Variants in CEMIP observed in about 807,000 individuals in gnomAD.
CEMIP encodes the protein cell migration inducing hyaluronidase 1.
In CEMIP, 105 loss-of-function variants were observed where a neutral mutation model predicts 156.9. That is an observed-to-expected ratio of 0.67 (90% CI 0.57 to 0.79). The LOEUF (loss-of-function observed/expected upper bound fraction) is 0.79, where lower values mean the gene tolerates loss of function less well. CEMIP is among the 30% of genes least tolerant of loss of function. CEMIP has a pLI of 0.00. For synonymous variants in CEMIP, 676 were observed against 668.4 expected (o/e 1.01, Z -0.17); for missense variants, 1,457 against 1,769.4 (o/e 0.82, Z 3.17).
chr15:80,926,765 TTA>T (rs1491146409), intron 19 of CEMIP, among the ~76,000 whole-genome samples: 1 of 114,728 alleles, frequency 8.7e-6, no homozygotes, highest in Non-Finnish European at 1.7e-5. Flanking sequence ...AAATTTTTTT[TTA>T]AAAAAGTCAA....
rs781261849 is a variant in CEMIP, at chr15:80,924,641, C to T, written c.2223C>T (p.Asn741=). ...SNYRAGMIID[N]GVKTTEASAK... is the part of the protein sequence containing the mutation. The stretch of plus-strand genomic sequence containing the variant: ...TGCAGGCTGGCATGATCATAGACAA[C>T]GGAGTCAAAACCACCGAGGCCTCTG... Residue 741 remains asparagine, a synonymous_variant, in exon 18 of 30, where the codon AAC becomes AAT. Transcript: ENST00000394685. The T allele has an allele frequency of 1.5e-5, 25 of 1,613,972 alleles. No homozygotes were observed. Among genetic ancestry groups the T allele is most frequent in the African/African-American group, 4.0e-5 (3 of 74,908 alleles).
intron 3 of CEMIP, among the ~76,000 whole-genome samples, chr15:80,877,124 A>G (rs1898502877): frequency 6.6e-6 from 1 of 152,168 alleles, no homozygotes; most frequent in African/African-American, 2.4e-5. Context: ...TGAGAACACT[A>G]TGGAGAAAAC....
At chr15:80,835,018 G>A (rs1897239820) in intron 1 of CEMIP, among the ~76,000 whole-genome samples, 1 of 151,942 alleles carries the variant, frequency 6.6e-6, no homozygotes. Flanking sequence ...TTCAAAATAG[G>A]GATTGTTTGC....
At position 80,815,292 on chromosome 15, in the gene CEMIP, C is replaced by A. The variant is rs1372512612; in HGVS notation, c.-176+35678C>A. On this transcript the variant is annotated intron_variant, in intron 1 of 29. Coordinates refer to ENST00000394685, the MANE Select transcript of CEMIP (RefSeq NM_001293298.2). ...AATGGGTATCCTGTGGCCTGCCTGG[C>A]CCAATTCCCAGTGCTGTGGTGAAGA... Among the ~76,000 whole-genome samples, 4 of 152,378 alleles carry A rather than the reference C, an allele frequency of 2.6e-5. No individual in the cohort carries two copies. In the Middle Eastern group the frequency reaches 0.01, roughly 389 times the overall value.
chr15:80,880,779 G>A, intron 5 of CEMIP, 121 bp from the exon 6 acceptor site: 2 of 815,486 alleles, frequency 2.5e-6, no homozygotes, highest in South Asian at 2.7e-5. Flanking sequence ...AGTGTGACTG[G>A]CTCTATGGTG....
chr15:80,899,225 A>AAAAAAG (rs1555433922), intron 12 of CEMIP, among the ~76,000 whole-genome samples: 186 of 126,786 alleles, frequency 1.5e-3, no homozygotes, highest in African/African-American at 4.7e-3. Context: ...AAAAAAAAAA[A>AAAAAAG]AAAGAAAGAA....
chr15:80,843,570 A>G (rs1286625384), intron 1 of CEMIP, among the ~76,000 whole-genome samples: 1 of 152,214 alleles, frequency 6.6e-6, no homozygotes, highest in Admixed American at 6.5e-5. Flanking sequence ...ACATCAGTCT[A>G]TATCCCCATG....
chr15:80,899,223 A>AG (rs1899360885), intron 12 of CEMIP, among the ~76,000 whole-genome samples: 16 of 108,458 alleles, frequency 1.5e-4, no homozygotes, highest in Admixed American at 4.5e-4. Context: ...AAAAAAAAAA[A>AG]AAAAAGAAAG....
At chr15:80,882,748 G>GCACA (rs1222853395) in intron 6 of CEMIP, among the ~76,000 whole-genome samples, 1 of 132,094 alleles carries the variant, frequency 7.6e-6, no homozygotes, top group African/African-American at 2.7e-5. Flanking sequence ...ATAAGCGCAT[G>GCACA]CACACACATA....
At chr15:80,853,930 G>T (rs1287005371) in intron 1 of CEMIP, among the ~76,000 whole-genome samples, 1 of 152,262 alleles carries the variant, frequency 6.6e-6, no homozygotes, top group Non-Finnish European at 1.5e-5. Context: ...GCAAGTCATG[G>T]TCTTGATGGT....
chr15:80,877,569 C>T (rs2141820118), intron 3 of CEMIP, among the ~76,000 whole-genome samples: 1 of 152,314 alleles, frequency 6.6e-6, no homozygotes, highest in East Asian at 1.9e-4. Flanking sequence ...TTGTTTTGTC[C>T]ATTGTCTCTT....
At chr15:80,851,068 T>C (rs777188368) in intron 1 of CEMIP, among the ~76,000 whole-genome samples, 7 of 152,210 alleles carry the variant, frequency 4.6e-5, no homozygotes, top group Non-Finnish European at 8.8e-5. Flanking sequence ...TTGGTCTGGC[T>C]TGAGTCAGGC....
chr15:80,880,802 G>T (rs1933888252), intron 5 of CEMIP, 98 bp from the exon 6 acceptor site: 4 of 939,832 alleles, frequency 4.3e-6, no homozygotes, highest in Admixed American at 1.7e-5. Context: ...CGTGGTGGGG[G>T]GTCAGGGAGC....
At position 80,942,961 on chromosome 15, in the gene CEMIP, A is replaced by G. The variant is rs936502248; in HGVS notation, c.3716A>G (p.Tyr1239Cys). 26 of 1,614,188 alleles carry G rather than the reference A, an allele frequency of 1.6e-5. No homozygotes were observed. The highest frequency in any genetic ancestry group is 2.1e-5 in the Non-Finnish European group (25 of 1,180,034). Residue 1239 changes from tyrosine to cysteine, a missense_variant, in exon 28 of 30, where the codon TAC (tyrosine) becomes TGC (cysteine). Transcript: ENST00000394685. Reference sequence around the variant, plus strand: ...GCTCTGTAGGTGGATGGGAAGAAGTACCCCAGTTCGGAGGATGGCATCCAG... The same window carrying G: ...GCTCTGTAGGTGGATGGGAAGAAGTGCCCCAGTTCGGAGGATGGCATCCAG... Reference protein sequence around the residue: ...FAYIEVDGKKYPSSEDGIQVV... With the variant: ...FAYIEVDGKKCPSSEDGIQVV...
chr15:80,820,160 T>G (rs1045722035), intron 1 of CEMIP, among the ~76,000 whole-genome samples: 1 of 152,322 alleles, frequency 6.6e-6, no homozygotes, highest in Non-Finnish European at 1.5e-5. Flanking sequence ...CTCTCTGAGT[T>G]GGATGTTTCT....
At chr15:80,946,827 G>T in intron 28 of CEMIP, 138 bp from the exon 29 acceptor site, 1 of 704,194 alleles carries the variant, frequency 1.4e-6, no homozygotes, top group South Asian at 1.5e-5. Context: ...AGGAGAGGCT[G>T]CCCTTTCCCG....
rs1900491502 is a variant in CEMIP, at chr15:80,922,010, A to G, written c.2075A>G (p.Glu692Gly). The G allele has an allele frequency of 6.2e-7, 1 of 1,614,044 alleles. No homozygotes were observed. The change falls in exon 17 of 30, where the codon GAA (glutamate) becomes GGA (glycine). Residue 692 changes from glutamate to glycine, a missense_variant and splice_region_variant. This residue lies in a region of CEMIP where 798 missense variants were observed against 980.1 expected (regional missense o/e 0.81). Transcript: ENST00000394685. Reference protein sequence around the residue: ...LINCAAAGSEETGFWFIFHHV... With the variant: ...LINCAAAGSEGTGFWFIFHHV... ...TTCCCTTGTGTCCTTCCCCAACAGG[A>G]AACTGGATTTTGGTTTATTTTTCAC...
intron 28 of CEMIP, among the ~76,000 whole-genome samples, chr15:80,945,365 A>G (rs551462983): frequency 6.6e-6 from 1 of 152,352 alleles, no homozygotes; most frequent in South Asian, 2.1e-4. Context: ...GGAGGGCAAG[A>G]CCTACATTTG....
chr15:80,926,824 G>GT (rs1900694616), intron 19 of CEMIP, among the ~76,000 whole-genome samples: 1 of 128,034 alleles, frequency 7.8e-6, no homozygotes, highest in African/African-American at 3.3e-5. Context: ...GCGGGTGGGG[G>GT]GGGGGGGTCT....
Sources: allele counts gnomAD v4.1 joint callset (sites outside exome capture counted in the v4.1 genomes callset), GRCh38; gene constraint gnomAD v4.1.1; regional missense constraint gnomAD v4.1.1; transcripts MANE v1.5; gene names NCBI Gene and HGNC (gene_info 2026-07-23, HGNC 2026-07-21).